MTUS2: variants seen among roughly 807,000 people sequenced by gnomAD.
The protein encoded by MTUS2 is microtubule-associated tumor suppressor candidate 2.
In MTUS2, 40 loss-of-function variants were observed where a neutral mutation model predicts 114.1. The ratio of observed to expected loss-of-function variants is 0.35; its 90% confidence interval spans 0.27 to 0.46. MTUS2 has a LOEUF of 0.46. MTUS2 is among the 20% of genes least tolerant of loss of function. The pLI is 1.00. For synonymous variants in MTUS2, 688 were observed against 672.0 expected (o/e 1.02, Z -0.37); for missense variants, 1,679 against 1,705.4 (o/e 0.98, Z 0.27).
intron 8 of MTUS2, among the ~76,000 whole-genome samples, chr13:29,413,067 C>T (rs1218337180): frequency 1.3e-5 from 2 of 152,058 alleles, no homozygotes; most frequent in African/African-American, 4.8e-5. Context: ...TACATGGGGC[C>T]CTCTTTGATA....
intron 8 of MTUS2, among the ~76,000 whole-genome samples, chr13:29,370,791 A>C (rs3125692): frequency 0.99 from 150,968 of 152,314 alleles, 74,822 homozygotes; most frequent in Middle Eastern, 1. Context: ...CAAAATAAAA[A>C]CCAATTTGAA....
At chr13:29,157,023 C>T (rs567236418) in intron 5 of MTUS2, among the ~76,000 whole-genome samples, 2 of 152,140 alleles carry the variant, frequency 1.3e-5, no homozygotes, top group Non-Finnish European at 1.5e-5. Flanking sequence ...TCCTGTAACT[C>T]GTTCAACATT....
At chr13:29,355,742 G>GA (rs1869683777) in intron 7 of MTUS2, among the ~76,000 whole-genome samples, 1 of 152,198 alleles carries the variant, frequency 6.6e-6, no homozygotes, top group Non-Finnish European at 1.5e-5. Context: ...AGGTCATGAC[G>GA]AAACACTAAT....
chr13:28,892,625 G>C (rs1593276028), intron 2 of MTUS2, among the ~76,000 whole-genome samples: 1 of 152,132 alleles, frequency 6.6e-6, no homozygotes, highest in South Asian at 2.1e-4. Flanking sequence ...TGGTGGGGTT[G>C]GATGAGAGGT....
intron 8 of MTUS2, among the ~76,000 whole-genome samples, chr13:29,398,715 A>G (rs1445722273): frequency 6.6e-6 from 1 of 152,156 alleles, no homozygotes; most frequent in Non-Finnish European, 1.5e-5. Context: ...TCCCACACAT[A>G]AAGTGCTGAA....
At chr13:29,398,826 A>G (rs1321637203) in intron 8 of MTUS2, among the ~76,000 whole-genome samples, 2 of 152,192 alleles carry the variant, frequency 1.3e-5, no homozygotes, top group Non-Finnish European at 2.9e-5. Flanking sequence ...ACAGAACCAC[A>G]TGCAGAAGAC....
chr13:29,057,432 G>A (rs756918604), intron 4 of MTUS2, among the ~76,000 whole-genome samples: 3 of 152,086 alleles, frequency 2.0e-5, no homozygotes, highest in Non-Finnish European at 4.4e-5. Context: ...GGTTACCTAA[G>A]TCTCTTCATA....
intron 6 of MTUS2, among the ~76,000 whole-genome samples, chr13:29,318,343 G>A (rs971344139): frequency 1.4e-5 from 2 of 141,278 alleles, no homozygotes; most frequent in Non-Finnish European, 1.5e-5. Flanking sequence ...ATTGAGATGT[G>A]CTCAGTGAGG....
chr13:28,874,539 A>G (rs931204842), intron 2 of MTUS2, among the ~76,000 whole-genome samples: 1 of 152,130 alleles, frequency 6.6e-6, no homozygotes, highest in Non-Finnish European at 1.5e-5. Context: ...GCTCACTTAT[A>G]TGGCTGGCTG....
intron 5 of MTUS2, among the ~76,000 whole-genome samples, chr13:29,210,492 T>A (rs1436638599): frequency 6.6e-6 from 1 of 152,128 alleles, no homozygotes; most frequent in African/African-American, 2.4e-5. Context: ...TTGGGAGTGT[T>A]AAAAAATCTT....
At chr13:29,250,208 T>C (rs1897074473) in intron 5 of MTUS2, among the ~76,000 whole-genome samples, 1 of 152,016 alleles carries the variant, frequency 6.6e-6, no homozygotes, top group South Asian at 2.1e-4. Flanking sequence ...CATGTTCAAG[T>C]TGAAATATTT....
chr13:28,934,784 A>G (rs116332550), intron 2 of MTUS2, among the ~76,000 whole-genome samples: 216 of 152,302 alleles, frequency 1.4e-3, no homozygotes, highest in African/African-American at 5.0e-3. Flanking sequence ...CGGCCTCTCA[A>G]AGTGCTGAGA....
chr13:29,432,097 C>T (rs1369838620), intron 8 of MTUS2, among the ~76,000 whole-genome samples: 2 of 150,908 alleles, frequency 1.3e-5, no homozygotes, highest in Non-Finnish European at 2.9e-5. Context: ...AAGTGATCCA[C>T]CCACCTCGGC....
At chr13:28,933,160 C>G (rs1290000834) in intron 2 of MTUS2, among the ~76,000 whole-genome samples, 3 of 124,108 alleles carry the variant, frequency 2.4e-5, no homozygotes, top group African/African-American at 6.0e-5. Context: ...CACACACACA[C>G]ACAGATTGAT....
chr13:28,828,802 A>T (rs1009156845), intron 1 of MTUS2, among the ~76,000 whole-genome samples: 1 of 152,174 alleles, frequency 6.6e-6, no homozygotes, highest in African/African-American at 2.4e-5. Flanking sequence ...CAAAATATCA[A>T]AATTTTAAAG....
At chr13:29,252,172 T>C (rs1897143407) in intron 5 of MTUS2, among the ~76,000 whole-genome samples, 1 of 152,052 alleles carries the variant, frequency 6.6e-6, no homozygotes, top group South Asian at 2.1e-4. Flanking sequence ...TTATAATTAC[T>C]ATCTAAATAC....
At chr13:29,282,681 G>C (rs1326616049) in intron 6 of MTUS2, among the ~76,000 whole-genome samples, 1 of 152,012 alleles carries the variant, frequency 6.6e-6, no homozygotes, top group East Asian at 1.9e-4. Flanking sequence ...ACCATAGATG[G>C]CTCATCCATA....
chr13:29,471,866 G>A (rs1441516337), intron 9 of MTUS2, among the ~76,000 whole-genome samples: 1 of 152,116 alleles, frequency 6.6e-6, no homozygotes, highest in African/African-American at 2.4e-5. Context: ...ACGGTATGAG[G>A]CAGGTGCTTG....
intron 5 of MTUS2, among the ~76,000 whole-genome samples, chr13:29,279,831 C>T (rs1898199975): frequency 6.6e-6 from 1 of 152,044 alleles, no homozygotes; most frequent in African/African-American, 2.4e-5. Context: ...AGAATGATGC[C>T]AGATGCAAGA....
Sources: gnomAD v4.1 joint callset for allele counts (sites outside exome capture counted in the v4.1 genomes callset) on GRCh38, gnomAD v4.1.1 for gene constraint, MANE v1.5 for transcripts, NCBI Gene and HGNC (gene_info 2026-07-23, HGNC 2026-07-21) for gene names.